Variants in SUPT3H observed in about 807,000 individuals in gnomAD.
SUPT3H encodes SPT3 homolog, SAGA and STAGA complex component, also known as transcription initiation protein SPT3 homolog.
A neutral mutation model predicts 44.3 loss-of-function variants in SUPT3H; 44 were observed. The observed-to-expected ratio is 0.99, with a 90% confidence interval of 0.78 to 1.28. The LOEUF is 1.28. Among genes scored for constraint, SUPT3H ranks in the 50% most tolerant of loss-of-function variants. The pLI, the probability that SUPT3H is intolerant of heterozygous loss-of-function variation, is 0.00. For missense variants in SUPT3H, 380 were observed against 387.1 expected, an observed-to-expected ratio of 0.98 and a Z score of 0.15; for synonymous variants, 124 against 125.6, an observed-to-expected ratio of 0.99 and a Z score of 0.09.
intron 3 of SUPT3H, among the ~76,000 whole-genome samples, chr6:45,081,536 C>A (rs1795814741): frequency 6.6e-6 from 1 of 152,028 alleles, no homozygotes; most frequent in African/African-American, 2.4e-5. Flanking sequence ...CTTGTATATA[C>A]CATTATATCC....
At position 45,255,989 on chromosome 6, in the gene SUPT3H, G is replaced by A. The variant is rs557602607; in HGVS notation, c.101+109212C>T. 3.3e-5 allele frequency among the ~76,000 whole-genome samples: 5 copies of A among 152,170 alleles called. No individual in the cohort carries two copies. In the South Asian group the frequency reaches 1.0e-3, roughly 32 times the overall value. On this transcript the variant is annotated intron_variant, in intron 2 of 10. Transcript: ENST00000371459. ...GATCGAGACCATCCTGGCTAACACG[G>A]TGAAACCCCGTCTCTACTAAAGATA...
chr6:45,019,236 C>T (rs2153516893), intron 4 of SUPT3H, among the ~76,000 whole-genome samples: 1 of 152,160 alleles, frequency 6.6e-6, no homozygotes, highest in South Asian at 2.1e-4. Flanking sequence ...ATTCTTGTCT[C>T]TTTTTTTCTT....
intron 2 of SUPT3H, among the ~76,000 whole-genome samples, chr6:45,307,767 G>A (rs576998586): frequency 6.6e-6 from 1 of 152,350 alleles, no homozygotes; most frequent in South Asian, 2.1e-4. Flanking sequence ...AAGCTGGATG[G>A]AGAATGACTT....
intron 2 of SUPT3H, among the ~76,000 whole-genome samples, chr6:45,340,236 T>A (rs954723618): frequency 1.3e-5 from 2 of 152,130 alleles, no homozygotes; most frequent in African/African-American, 4.8e-5. Flanking sequence ...CCCTGCCACA[T>A]ATCTTTAAGA....
intron 11 of SUPT3H, among the ~76,000 whole-genome samples, chr6:44,812,502 C>T (rs1266749641): frequency 6.6e-6 from 1 of 152,296 alleles, no homozygotes; most frequent in East Asian, 1.9e-4. Context: ...CTAGGATAAC[C>T]TCTCCATCTT....
In SUPT3H at chr6:44,954,685, TAAA is replaced by T. The variant is rs919224834; in HGVS notation, c.581-81_581-79del. ...ATACTGCACATTACTATCACAAAAT[TAAA>T]AAAGTATACTCAGAATTGTACACAA... On this transcript the variant is annotated intron_variant, in intron 7 of 10. Coordinates refer to ENST00000371459, the MANE Select transcript of SUPT3H (RefSeq NM_003599.4). 67 of 781,920 alleles carry T rather than the reference TAAA, an allele frequency of 8.6e-5. No homozygotes were observed. In the African/African-American group the frequency reaches 1.1e-3, roughly 12 times the overall value. The allele number at this position is 781,920 out of a possible 1,614,324, so 48.4% of individuals were successfully genotyped here. A position where few individuals can be genotyped will look rare whatever the true frequency, so the allele number is the denominator to read the frequency against.
At chr6:45,008,181 T>C (rs981185812) in intron 5 of SUPT3H, among the ~76,000 whole-genome samples, 1 of 152,208 alleles carries the variant, frequency 6.6e-6, no homozygotes, top group African/African-American at 2.4e-5. Flanking sequence ...TCATTTATCT[T>C]ATTCCACTTC....
chr6:44,902,350 CA>C (rs1765217586), intron 10 of SUPT3H, among the ~76,000 whole-genome samples: 1 of 151,578 alleles, frequency 6.6e-6, no homozygotes, highest in Admixed American at 6.6e-5. Flanking sequence ...AAATGGAAAA[CA>C]AAAAAAGGCA....
intron 10 of SUPT3H, among the ~76,000 whole-genome samples, chr6:44,907,814 C>A (rs1766354530): frequency 6.6e-6 from 1 of 150,990 alleles, no homozygotes; most frequent in Non-Finnish European, 1.5e-5. Context: ...ACCTCACAGG[C>A]TTTCAAAATT....
In SUPT3H at chr6:45,021,924, G is replaced by C. The variant is rs1222801812; in HGVS notation, c.187-1292C>G. On this transcript the variant is annotated intron_variant, in intron 3 of 10. Transcript: ENST00000371459. Reference sequence around the variant, plus strand: ...AATTTAACTGTGAACCATTTAAAAAGAAATCTTGGTGGGGGGGTAGGTTTT... The same window carrying C: ...AATTTAACTGTGAACCATTTAAAAACAAATCTTGGTGGGGGGGTAGGTTTT... Among the ~76,000 whole-genome samples the C allele has an allele frequency of 4.6e-5, 7 of 151,992 alleles. No individual in the cohort carries two copies. In the South Asian group the frequency reaches 1.5e-3, roughly 32 times the overall value.
intron 2 of SUPT3H, among the ~76,000 whole-genome samples, chr6:45,233,176 A>G (rs966489973): frequency 6.6e-6 from 1 of 152,198 alleles, no homozygotes; most frequent in African/African-American, 2.4e-5. Flanking sequence ...TCCAGGGATT[A>G]GTACTCCCTG....
At chr6:45,152,000 A>G (rs1167636256) in intron 2 of SUPT3H, among the ~76,000 whole-genome samples, 3 of 152,048 alleles carry the variant, frequency 2.0e-5, no homozygotes, top group Non-Finnish European at 2.9e-5. Flanking sequence ...CTTCTCTTCT[A>G]TATCTACATA....
chr6:45,191,441 G>A (rs995019401), intron 2 of SUPT3H, among the ~76,000 whole-genome samples: 3 of 152,046 alleles, frequency 2.0e-5, no homozygotes, highest in South Asian at 2.1e-4. Context: ...TGGAGCACGC[G>A]GGATTTTTAA....
In SUPT3H at chr6:45,052,955, GA is replaced by G. The variant is rs200273818; in HGVS notation, c.187-32324del. Among the ~76,000 whole-genome samples, 477 of 152,230 alleles carry G rather than the reference GA, an allele frequency of 3.1e-3. 16 individuals are homozygous for G. The highest frequency in any genetic ancestry group is 0.028 in the Admixed American group (426 of 15,276). ...AATAGAGTGAGAGAGGAAAAAGGAA[GA>G]GGGAGAAGAGAGAGGAAGACAGGTA... On this transcript the variant is annotated intron_variant, in intron 3 of 10. Transcript: ENST00000371459.
chr6:45,119,424 C>A (rs1184470708), intron 2 of SUPT3H, among the ~76,000 whole-genome samples: 1 of 152,142 alleles, frequency 6.6e-6, no homozygotes, highest in Non-Finnish European at 1.5e-5. Context: ...GGATTCACCT[C>A]CCAACTGATT....
chr6:45,346,510 T>A (rs1025133145), intron 2 of SUPT3H, among the ~76,000 whole-genome samples: 1 of 151,970 alleles, frequency 6.6e-6, no homozygotes, highest in Non-Finnish European at 1.5e-5. Flanking sequence ...ACTCTTACTT[T>A]CTTTTCACAT....
At chr6:45,269,654 A>G (rs1210679205) in intron 2 of SUPT3H, among the ~76,000 whole-genome samples, 1 of 152,194 alleles carries the variant, frequency 6.6e-6, no homozygotes, top group Non-Finnish European at 1.5e-5. Context: ...AAGCTTCACA[A>G]TATCTTTAAG....
At chr6:44,830,254 T>C (rs1768397110) in intron 10 of SUPT3H, among the ~76,000 whole-genome samples, 1 of 152,182 alleles carries the variant, frequency 6.6e-6, no homozygotes, top group Non-Finnish European at 1.5e-5. Flanking sequence ...ACTGACTCAT[T>C]ACTGGCCCTT....
intron 3 of SUPT3H, among the ~76,000 whole-genome samples, chr6:45,086,065 CT>C (rs763615479): frequency 3.3e-5 from 5 of 152,008 alleles, no homozygotes; most frequent in Non-Finnish European, 7.4e-5. Context: ...TCAGAAATTA[CT>C]TGAAACTTAG....
Sources: gnomAD v4.1 joint callset for allele counts (sites outside exome capture counted in the v4.1 genomes callset) on GRCh38, gnomAD v4.1.1 for gene constraint, MANE v1.5 for transcripts, NCBI Gene and HGNC (gene_info 2026-07-23, HGNC 2026-07-21) for gene names.